The following DCAF15 variants were observed in gnomAD, a reference collection of about 807,000 sequenced individuals.
DCAF15 encodes the protein DDB1- and CUL4-associated factor 15.
A neutral mutation model predicts 68.0 loss-of-function variants in DCAF15; 24 were observed. The observed-to-expected ratio is 0.35, with a 90% CI of 0.26 to 0.50. The LOEUF is 0.50. Ranked by LOEUF, DCAF15 falls within the 20% of genes least tolerant of loss-of-function variation. The pLI, the probability that DCAF15 is intolerant of heterozygous loss-of-function variation, is 0.98. For synonymous variants in DCAF15, 376 were observed against 341.6 expected (o/e 1.10, Z -1.11); for missense variants, 627 against 830.6 (o/e 0.75, Z 3.01).
chr19:13,958,654 A>G (rs1245105982), intron 6 of DCAF15, among the ~76,000 whole-genome samples: 2 of 152,072 alleles, frequency 1.3e-5, no homozygotes, highest in Non-Finnish European at 2.9e-5. Context: ...GGTCTTCCAT[A>G]TCAGAGAAAC....
At chr19:13,956,892 A>T (rs1481104324) in intron 6 of DCAF15, among the ~76,000 whole-genome samples, 1 of 152,192 alleles carries the variant, frequency 6.6e-6, no homozygotes, top group Non-Finnish European at 1.5e-5. Context: ...AGAAGCTGGG[A>T]CTACAGGCCT....
At chr19:13,958,358 A>T (rs1000262291) in intron 6 of DCAF15, among the ~76,000 whole-genome samples, 14 of 151,456 alleles carry the variant, frequency 9.2e-5, no homozygotes, top group Admixed American at 7.9e-4. Flanking sequence ...GGTGGAGGGG[A>T]GCCCGTACTC....
chr19:13,957,085 G>A (rs929965480), intron 6 of DCAF15, among the ~76,000 whole-genome samples: 1 of 152,246 alleles, frequency 6.6e-6, no homozygotes, highest in Admixed American at 6.5e-5. Context: ...GTTGTTTTAA[G>A]CTGAAATAGC....
At chr19:13,957,566 G>A (rs1185141077) in intron 6 of DCAF15, among the ~76,000 whole-genome samples, 1 of 152,270 alleles carries the variant, frequency 6.6e-6, no homozygotes, top group Non-Finnish European at 1.5e-5. Context: ...GTGCACATGT[G>A]GGTGAAACAC....
chr19:13,961,048 G>GCC lies in DCAF15; in HGVS notation c.*57_*58dup. 6.2e-7 allele frequency: 1 copy of GCC among 1,608,194 alleles called. No individual in the cohort carries two copies. The highest frequency in any genetic ancestry group is 8.5e-7 in the Non-Finnish European group (1 of 1,177,882). On this transcript the variant is annotated 3_prime_UTR_variant, in exon 13 of 13. Transcript: ENST00000254337. ...CAACTACCTCCGTGGCCTGGGACCGGCCCCCTTCCTGGGGTGGCCTCTTCC... is the reference window on the plus strand; with the variant it reads ...CAACTACCTCCGTGGCCTGGGACCGGCCCCCCCTTCCTGGGGTGGCCTCTTCC...
At chr19:13,953,370 G>T (rs1973179539) in intron 1 of DCAF15, 2 of 487,282 alleles carry the variant, frequency 4.1e-6, no homozygotes, top group Admixed American at 7.9e-5. Context: ...TCTCCGTGAG[G>T]CTGGTAGCTT....
At position 13,959,914 on chromosome 19, in the gene DCAF15, G is replaced by GGGTGGGCCCAGGGCGGGCAA. The variant is rs1973534352; in HGVS notation, c.1440+33_1440+34insGGGCAAGGTGGGCCCAGGGC. On this transcript the variant is annotated intron_variant, in intron 9 of 12. Transcript: ENST00000254337. ...TCTGGAGGTGGGCCCAGGGCGGGCA[G>GGGTGGGCCCAGGGCGGGCAA]GGTGGGCCCAGGGCCTCCTGTACTC... 6.2e-7 allele frequency: 1 copy of GGGTGGGCCCAGGGCGGGCAA among 1,612,052 alleles called. No individual in the cohort carries two copies. Among genetic ancestry groups the GGGTGGGCCCAGGGCGGGCAA allele is most frequent in the Non-Finnish European group, 8.5e-7 (1 of 1,178,564 alleles).
rs377502734 is a variant in DCAF15, at chr19:13,959,364, G to A, written c.1104G>A (p.Thr368=). The change falls in exon 7 of 13, where the codon ACG becomes ACA. Residue 368 remains threonine (T), a synonymous_variant. Coordinates refer to ENST00000254337, the MANE Select transcript of DCAF15 (RefSeq NM_138353.4). ...HSEPLALCGE[T]APRDSPPASE... ...AGCCCCTAGCCCTGTGTGGAGAGAC[G>A]GCACCCCGGGACAGCCCCCCTGCCT... 2.3e-5 allele frequency: 37 copies of A among 1,605,610 alleles called. No homozygotes were observed. The highest frequency in any genetic ancestry group is 5.5e-5 in the South Asian group (5 of 91,082).
intron 1 of DCAF15, chr19:13,953,071 C>A: frequency 6.5e-7 from 1 of 1,549,784 alleles, no homozygotes; most frequent in African/African-American, 1.4e-5. Flanking sequence ...CCTGATGTTC[C>A]TCTCCCTGCC....
At chr19:13,956,910 C>G (rs374699791) in intron 6 of DCAF15, among the ~76,000 whole-genome samples, 1 of 152,234 alleles carries the variant, frequency 6.6e-6, no homozygotes, top group Non-Finnish European at 1.5e-5. Context: ...CCTGTGCCAT[C>G]ATACCCAGCT....
chr19:13,953,734 T>C (rs575140398), intron 1 of DCAF15, among the ~76,000 whole-genome samples: 1 of 152,316 alleles, frequency 6.6e-6, no homozygotes, highest in African/African-American at 2.4e-5. Flanking sequence ...CCGCAGATCC[T>C]TCCGCGGTGA....
At chr19:13,956,659 G>A in intron 6 of DCAF15, 137 bp downstream of exon 6, 2 of 1,053,294 alleles carry the variant, frequency 1.9e-6, no homozygotes, top group East Asian at 2.6e-5. Context: ...TTGTGGGAAT[G>A]CTGCGGTCCA....
chr19:13,952,993 G>C, intron 1 of DCAF15: 1 of 1,132,494 alleles, frequency 8.8e-7, no homozygotes, highest in South Asian at 1.4e-5. Context: ...TGCTCCCATG[G>C]TTGCTCCATA....
At position 13,954,323 on chromosome 19, in the gene DCAF15, G is replaced by A; in HGVS notation, c.133-17G>A. The A allele has an allele frequency of 6.2e-7, 1 of 1,610,372 alleles. No individual in the cohort carries two copies. The highest frequency in any genetic ancestry group is 2.2e-5 in the East Asian group (1 of 44,864). On this transcript the variant is annotated splice_polypyrimidine_tract_variant and intron_variant, in intron 1 of 12. Transcript: ENST00000254337. ...CTGCAGATGGTGCCTGAAGTGCCCT[G>A]GCCACCCCTTCCCCAGATCAGCGGA... is the stretch of plus-strand genomic sequence containing the variant.
intron 3 of DCAF15, among the ~76,000 whole-genome samples, chr19:13,955,158 C>T (rs1347200836): frequency 4.6e-5 from 7 of 152,120 alleles, no homozygotes; most frequent in South Asian, 2.1e-4. Flanking sequence ...CAGTGGCTCA[C>T]GCCTGTAATC....
rs141014315 is a variant in DCAF15 at position 13,959,383 on chromosome 19, C to G, written c.1123C>G (p.Pro375Ala). The G allele has an allele frequency of 3.1e-6, 5 of 1,605,802 alleles. No homozygotes were observed. Among genetic ancestry groups the G allele is most frequent in the Non-Finnish European group, 4.2e-6 (5 of 1,179,618 alleles). The stretch of plus-strand genomic sequence containing the variant: ...AGAGACGGCACCCCGGGACAGCCCC[C>G]CTGCCTCGGAGGCACCTGCCTCCGA... ...CGETAPRDSP[P>A]ASEAPASEPG... The change falls in exon 7 of 13, where the codon CCT becomes GCT. Residue 375 changes from proline to alanine, a missense_variant. Physicochemically the swap from Pro to Ala is conservative, Grantham distance 27. Around this residue, in one of 3 missense-constraint regions of DCAF15, gnomAD observed 236 missense variants for 225.1 expected, o/e 1.05. Coordinates refer to ENST00000254337, the MANE Select transcript of DCAF15 (RefSeq NM_138353.4).
rs73517641 is a variant in DCAF15, at chr19:13,958,551, G to A, written c.785-494G>A. Among the ~76,000 whole-genome samples the A allele has an allele frequency of 5.2e-3, 788 of 152,196 alleles. 10 individuals carry two copies. The highest frequency in any genetic ancestry group is 0.018 in the African/African-American group (743 of 41,520). On this transcript the variant is annotated intron_variant, in intron 6 of 12. Transcript: ENST00000254337. ...GTTCCCCACATTCCTTGGGGGAGTCGTCTCTAGGCAGGCAGAGACAGAGGC... is the reference window on the plus strand; with the variant it reads ...GTTCCCCACATTCCTTGGGGGAGTCATCTCTAGGCAGGCAGAGACAGAGGC...
chr19:13,960,122 A>G (rs1286047735), intron 10 of DCAF15, 53 bp downstream of exon 10: 13 of 1,603,974 alleles, frequency 8.1e-6, no homozygotes, highest in Non-Finnish European at 8.5e-7. Flanking sequence ...ACTGGCAGAC[A>G]CTTCACGGTG....
At position 13,959,638 on chromosome 19, in the gene DCAF15, A is replaced by G. The variant is rs1599463411; in HGVS notation, c.1276A>G (p.Asn426Asp). ...CGTGGTGACTGATCTTCGTGGCCGC[A>G]ACCTGCGGCCCATGCGGGAGCGGAC... ...PFVVTDLRGR[N>D]LRPMRERTAV... Residue 426 changes from asparagine (N) to aspartate (D), a missense_variant, in exon 8 of 13, where the codon AAC becomes GAC. Coordinates refer to ENST00000254337, the MANE Select transcript of DCAF15 (RefSeq NM_138353.4). 4 of 1,612,668 alleles carry G rather than the reference A, an allele frequency of 2.5e-6. No homozygotes were observed. The highest frequency in any genetic ancestry group is 3.4e-6 in the Non-Finnish European group (4 of 1,179,694).
Sources: gnomAD v4.1 joint callset for allele counts (sites outside exome capture counted in the v4.1 genomes callset) on GRCh38, gnomAD v4.1.1 for gene constraint, gnomAD v4.1.1 regional missense constraint, MANE v1.5 for transcripts, NCBI Gene and HGNC (gene_info 2026-07-23, HGNC 2026-07-21) for gene names.